The following CTNNA3 variants were observed in gnomAD, a reference collection of about 807,000 sequenced individuals.
The protein encoded by CTNNA3 is catenin alpha 3, also known as catenin alpha-3.
A neutral mutation model predicts 95.7 loss-of-function variants in CTNNA3; 76 were observed. The observed-to-expected ratio is 0.79, with a 90% confidence interval of 0.66 to 0.96. CTNNA3 has a LOEUF of 0.96. Among genes scored for constraint, CTNNA3 ranks in the 40% least tolerant of loss-of-function variants. The probability of loss-of-function intolerance (pLI) is 0.00; values close to 1 mark genes in which losing one functional copy is unlikely to be tolerated. For synonymous variants in CTNNA3, 431 were observed against 374.4 expected (o/e 1.15, Z -1.74); for missense variants, 1,191 against 1,089.8 (o/e 1.09, Z -1.31).
intron 5 of CTNNA3, among the ~76,000 whole-genome samples, chr10:67,381,814 C>T (rs1376276922): frequency 6.6e-6 from 1 of 152,174 alleles, no homozygotes; most frequent in African/African-American, 2.4e-5. Context: ...ACCTCCAGCC[C>T]TTTCTGACAG....
chr10:66,988,982 C>T (rs1850887121), intron 7 of CTNNA3, among the ~76,000 whole-genome samples: 1 of 151,242 alleles, frequency 6.6e-6, no homozygotes, highest in Non-Finnish European at 1.5e-5. Flanking sequence ...CTTTGGTCCT[C>T]GATGTTTCCT....
intron 13 of CTNNA3, among the ~76,000 whole-genome samples, chr10:66,186,620 T>A (rs1478116692): frequency 6.6e-6 from 1 of 152,098 alleles, no homozygotes; most frequent in African/African-American, 2.4e-5. Flanking sequence ...TTTAAAGAAA[T>A]AAAATTATCT....
chr10:67,369,817 G>A (rs946555188), intron 5 of CTNNA3, among the ~76,000 whole-genome samples: 1 of 152,126 alleles, frequency 6.6e-6, no homozygotes, highest in African/African-American at 2.4e-5. Context: ...GACACTGTTA[G>A]TTAGGCTTCA....
intron 10 of CTNNA3, among the ~76,000 whole-genome samples, chr10:66,607,216 C>G (rs79785020): frequency 1.3e-5 from 2 of 151,806 alleles, no homozygotes; most frequent in South Asian, 4.2e-4. Context: ...GACACCCTGC[C>G]AAGACAGAGC....
intron 4 of CTNNA3, among the ~76,000 whole-genome samples, chr10:67,532,318 G>T (rs927363769): frequency 9.9e-5 from 15 of 152,036 alleles, no homozygotes; most frequent in African/African-American, 3.6e-4. Flanking sequence ...AAATCTTTTT[G>T]TTGGTACACA....
chr10:67,354,798 G>T (rs1458857448), intron 5 of CTNNA3, among the ~76,000 whole-genome samples: 1 of 151,904 alleles, frequency 6.6e-6, no homozygotes. Flanking sequence ...CAATGGGTAG[G>T]TCCCATTTAA....
chr10:67,267,547 T>C (rs1228934945), intron 5 of CTNNA3, among the ~76,000 whole-genome samples: 2 of 152,026 alleles, frequency 1.3e-5, no homozygotes, highest in Non-Finnish European at 2.9e-5. Context: ...TTGTATTTTT[T>C]AGTAGAGATG....
At chr10:66,999,472 T>G (rs1334398166) in intron 7 of CTNNA3, among the ~76,000 whole-genome samples, 4 of 152,090 alleles carry the variant, frequency 2.6e-5, no homozygotes, top group Non-Finnish European at 1.5e-5. Context: ...TGTCATCTTG[T>G]ATGGATCAGA....
chr10:66,535,030 T>C (rs1307762979), intron 10 of CTNNA3, among the ~76,000 whole-genome samples: 2 of 152,134 alleles, frequency 1.3e-5, no homozygotes, highest in African/African-American at 2.4e-5. Flanking sequence ...GAGTCCTTAA[T>C]TGCTGATGCA....
At chr10:67,631,557 T>A (rs1424816091) in intron 2 of CTNNA3, among the ~76,000 whole-genome samples, 1 of 152,186 alleles carries the variant, frequency 6.6e-6, no homozygotes, top group African/African-American at 2.4e-5. Context: ...AGTGAAGAAA[T>A]TTTTAATGGG....
At chr10:66,253,655 T>C (rs2090646928) in intron 13 of CTNNA3, among the ~76,000 whole-genome samples, 1 of 152,184 alleles carries the variant, frequency 6.6e-6, no homozygotes, top group Non-Finnish European at 1.5e-5. Flanking sequence ...ACAATAGTTT[T>C]GCATTTTTTA....
chr10:66,875,265 A>G (rs1844570593), intron 7 of CTNNA3, among the ~76,000 whole-genome samples: 1 of 152,122 alleles, frequency 6.6e-6, no homozygotes, highest in Admixed American at 6.6e-5. Flanking sequence ...GGCCAGGAAC[A>G]TAGTGGTTAC....
chr10:66,659,921 A>T (rs1259503410), intron 9 of CTNNA3, among the ~76,000 whole-genome samples: 11 of 152,244 alleles, frequency 7.2e-5, no homozygotes, highest in Non-Finnish European at 1.5e-4. Context: ...AGATTTAATG[A>T]AAATAAAGTA....
chr10:67,017,711 G>A (rs1367252408), intron 7 of CTNNA3, among the ~76,000 whole-genome samples: 1 of 149,988 alleles, frequency 6.7e-6, no homozygotes, highest in East Asian at 1.9e-4. Context: ...AAAATGTGAT[G>A]TCACAAAAAT....
At chr10:67,131,981 G>C (rs1248551156) in intron 7 of CTNNA3, among the ~76,000 whole-genome samples, 1 of 152,082 alleles carries the variant, frequency 6.6e-6, no homozygotes, top group Non-Finnish European at 1.5e-5. Context: ...AACTGTGAAG[G>C]CCAATGATTG....
intron 15 of CTNNA3, among the ~76,000 whole-genome samples, 156 bp downstream of exon 15, chr10:66,069,152 C>G (rs1260927953): frequency 6.6e-6 from 1 of 152,146 alleles, no homozygotes; most frequent in African/African-American, 2.4e-5. Context: ...ATCGAAACCT[C>G]TAGAATTGTA....
chr10:67,619,029 A>G (rs1843745333), intron 2 of CTNNA3, among the ~76,000 whole-genome samples: 1 of 152,214 alleles, frequency 6.6e-6, no homozygotes, highest in African/African-American at 2.4e-5. Context: ...GTAAATATGG[A>G]TATTTTGTCA....
chr10:67,582,086 T>G (rs1208678401), intron 3 of CTNNA3, among the ~76,000 whole-genome samples: 1 of 149,032 alleles, frequency 6.7e-6, no homozygotes, highest in Non-Finnish European at 1.5e-5. Context: ...CTTAGTTATT[T>G]CTTGCTTTCT....
intron 9 of CTNNA3, among the ~76,000 whole-genome samples, chr10:66,763,537 G>A (rs972408504): frequency 2.6e-5 from 4 of 151,988 alleles, no homozygotes; most frequent in African/African-American, 7.2e-5. Flanking sequence ...ATATTATCCT[G>A]TCTAACTTTC....
Sources: allele counts gnomAD v4.1 joint callset (sites outside exome capture counted in the v4.1 genomes callset), GRCh38; gene constraint gnomAD v4.1.1; transcripts MANE v1.5; gene names NCBI Gene and HGNC (gene_info 2026-07-23, HGNC 2026-07-21).